Variants in ACOT1 observed in about 807,000 individuals in gnomAD.
The protein encoded by ACOT1 is acyl-CoA thioesterase 1, also known as acyl-coenzyme A thioesterase 1.
Under a neutral mutation model 15.7 loss-of-function variants are expected in ACOT1, and 8 were observed. The ratio of observed to expected loss-of-function variants is 0.51; its 90% CI spans 0.30 to 0.92. The LOEUF is 0.92. ACOT1 is among the 40% of genes least tolerant of loss of function. The probability of loss-of-function intolerance (pLI) is 0.06; values close to 1 mark genes in which losing one functional copy is unlikely to be tolerated. For synonymous variants in ACOT1, 67 were observed against 241.2 expected (o/e 0.28, Z 6.69); for missense variants, 151 against 539.4 (o/e 0.28, Z 7.13).
chr14:73,524,961 T>C, the ACOT1 span, among the ~76,000 whole-genome samples: 79 of 152,290 alleles, frequency 5.2e-4, 1 homozygote, highest in Non-Finnish European at 1.8e-4. Flanking sequence ...CTGTCTTCCA[T>C]GTGTAAAAGT....
At chr14:73,500,592 T>C in the ACOT1 span, 6 of 1,613,974 alleles carry the variant, frequency 3.7e-6, no homozygotes, top group Admixed American at 8.3e-5. Flanking sequence ...CCAAACAGGC[T>C]GCCCGCCGAA....
At chr14:73,517,655 G>C in the ACOT1 span, among the ~76,000 whole-genome samples, 1 of 120,204 alleles carries the variant, frequency 8.3e-6, no homozygotes, top group African/African-American at 3.2e-5. Flanking sequence ...GAAACAGAGT[G>C]AGACCCTGTC....
At position 73,539,142 on chromosome 14, in the gene ACOT1, G is replaced by T. The variant is rs1220536959; in HGVS notation, c.457+1264G>T. ...TAGGAGGTGCCAGGTGGCTGGGCCT[G>T]TGACAGTGCAGAGGTTTTGGTGCCT... On this transcript the variant is annotated intron_variant, in intron 1 of 2. Transcript: ENST00000311148. 4.4e-5 allele frequency: 5 copies of T among 114,286 alleles called. 2 individuals are homozygous for T. The highest frequency in any genetic ancestry group is 1.1e-4 in the African/African-American group (4 of 35,124). The allele number at this position is 114,286 out of a possible 1,614,324, so 7.1% of individuals were successfully genotyped here.
the ACOT1 span, among the ~76,000 whole-genome samples, chr14:73,513,728 CAAAAAA>C: frequency 2.8e-4 from 13 of 46,770 alleles, no homozygotes; most frequent in East Asian, 9.1e-4. Flanking sequence ...ACTACGTCTC[CAAAAAA>C]AAAAAAAAAA....
the ACOT1 span, chr14:73,509,597 T>A: frequency 7.0e-5 from 63 of 906,132 alleles, no homozygotes; most frequent in Admixed American, 1.9e-4. Flanking sequence ...TGCTATGTAA[T>A]ATAATTACAG....
At chr14:73,518,927 G>T in the ACOT1 span, 4 of 1,249,740 alleles carry the variant, frequency 3.2e-6, no homozygotes, top group Non-Finnish European at 4.5e-6. Flanking sequence ...TTCAGCCCAT[G>T]AACTGGGAGC....
At chr14:73,535,492 T>A (rs1479731096), upstream of ACOT1, among the ~76,000 whole-genome samples, 1 of 38,190 alleles carries the variant, frequency 2.6e-5, no homozygotes, top group Non-Finnish European at 4.6e-5. Context: ...TTTTTTTTTT[T>A]TTTTTTTTTT....
the ACOT1 span, chr14:73,506,429 T>C: frequency 6.7e-7 from 1 of 1,496,626 alleles, no homozygotes; most frequent in East Asian, 2.3e-5. Context: ...TCAGCCTCTC[T>C]TAGGCTTTCT....
chr14:73,492,192 A>T, the ACOT1 span: 1 of 1,613,784 alleles, frequency 6.2e-7, no homozygotes, highest in Admixed American at 1.7e-5. The surrounding 1 kb of genome is among the most constrained non-coding windows in gnomAD (Gnocchi z 4.9). Context: ...ACCGTGCTGG[A>T]ACCTGGAGAT....
At chr14:73,509,390 C>T in the ACOT1 span, 7 of 1,614,098 alleles carry the variant, frequency 4.3e-6, no homozygotes, top group Non-Finnish European at 5.9e-6. Flanking sequence ...ATTGCTGCTG[C>T]CATCCGCACA....
chr14:73,492,123 T>C, the ACOT1 span: 3 of 1,613,912 alleles, frequency 1.9e-6, no homozygotes, highest in South Asian at 2.2e-5. The surrounding 1 kb of genome is among the most constrained non-coding windows in gnomAD (Gnocchi z 4.9). Flanking sequence ...ACCGAGGAAC[T>C]GGCTCTGACA....
chr14:73,537,939 G>A (rs1219118201), intron 1 of ACOT1, 61 bp downstream of exon 1: 3 of 1,045,590 alleles, frequency 2.9e-6, no homozygotes, highest in Non-Finnish European at 3.7e-6. Context: ...TTTCCACTGT[G>A]TGTGTGTGTG....
the ACOT1 span, among the ~76,000 whole-genome samples, chr14:73,514,403 G>A: frequency 8.3e-4 from 126 of 152,246 alleles, 1 homozygote; most frequent in African/African-American, 2.9e-3. Flanking sequence ...CATGTACACA[G>A]GGAATTATGG....
the ACOT1 span, chr14:73,520,664 C>T: frequency 1.8e-6 from 1 of 551,646 alleles, no homozygotes; most frequent in Non-Finnish European, 3.2e-6. Context: ...AGAGCAGTTC[C>T]CTCCCTATTA....
At chr14:73,512,221 C>T in the ACOT1 span, 1 of 1,544,396 alleles carries the variant, frequency 6.5e-7, no homozygotes, top group South Asian at 1.2e-5. Context: ...AGGCAGGTGA[C>T]AAGAAGTCTG....
At chr14:73,500,502 C>T in the ACOT1 span, 11 of 1,567,174 alleles carry the variant, frequency 7.0e-6, no homozygotes, top group South Asian at 1.2e-5. Flanking sequence ...AAGGTAATGC[C>T]CTCTTCAGGT....
the ACOT1 span, among the ~76,000 whole-genome samples, chr14:73,502,350 G>T: frequency 6.6e-6 from 1 of 152,126 alleles, no homozygotes; most frequent in Non-Finnish European, 1.5e-5. Flanking sequence ...TATTTTGCAT[G>T]TGGTCATCAG....
chr14:73,497,854 G>C, the ACOT1 span, among the ~76,000 whole-genome samples: 1 of 151,930 alleles, frequency 6.6e-6, no homozygotes, highest in South Asian at 2.1e-4. Flanking sequence ...TCAAACTCCC[G>C]ACCTCAGGTG....
At chr14:73,494,279 C>G in the ACOT1 span, among the ~76,000 whole-genome samples, 2 of 152,146 alleles carry the variant, frequency 1.3e-5, no homozygotes, top group Non-Finnish European at 2.9e-5. Context: ...AGCTGGTAGG[C>G]AGCTGGCTGA....
Sources: allele counts gnomAD v4.1 joint callset (sites outside exome capture counted in the v4.1 genomes callset), GRCh38; gene constraint gnomAD v4.1.1; non-coding constraint Gnocchi (gnomAD v3.1); transcripts MANE v1.5; gene names NCBI Gene and HGNC (gene_info 2026-07-23, HGNC 2026-07-21).